LRP2: variants seen among roughly 807,000 people sequenced by gnomAD.
LRP2 encodes LDL receptor related protein 2, also known as low-density lipoprotein receptor-related protein 2.
Under a neutral mutation model 531.0 loss-of-function variants are expected in LRP2, and 172 were observed. The ratio of observed to expected loss-of-function variants is 0.32; its 90% CI spans 0.29 to 0.37. The LOEUF (loss-of-function observed/expected upper bound fraction) is 0.37, where lower values mean the gene tolerates loss of function less well. Ranked by LOEUF, LRP2 falls within the 10% of genes least tolerant of loss-of-function variation. The pLI is 1.00. For missense variants in LRP2, 5,167 were observed against 5,868.3 expected (o/e 0.88, Z 3.90); for synonymous variants, 1,992 against 2,027.6 (o/e 0.98, Z 0.47).
chr2:169,277,961 A>C lies in LRP2; in HGVS notation c.1566-10T>G, dbSNP rs747567360. 6.2e-7 allele frequency: 1 copy of C among 1,607,314 alleles called. No individual in the cohort carries two copies. Among genetic ancestry groups the C allele is most frequent in the South Asian group, 1.1e-5 (1 of 90,918 alleles). ...TGAGAAAAATAAATAACTACAAAAG[A>C]AAAACAGAAGATGAAAGAATCTGGT... On this transcript the variant is annotated splice_polypyrimidine_tract_variant and intron_variant, in intron 12 of 78. Coordinates refer to ENST00000649046, the MANE Select transcript of LRP2 (RefSeq NM_004525.3).
At chr2:169,182,099 A>G (rs1687460694) in intron 51 of LRP2, 68 bp downstream of exon 51, 5 of 1,588,344 alleles carry the variant, frequency 3.1e-6, no homozygotes. Flanking sequence ...TTACATGAAC[A>G]GCCTTCTCGG....
intron 16 of LRP2, among the ~76,000 whole-genome samples, chr2:169,269,257 A>G (rs1012996936): frequency 4.6e-5 from 7 of 152,172 alleles, no homozygotes; most frequent in Non-Finnish European, 8.8e-5. Flanking sequence ...AAACTACTTT[A>G]AAGTTCATAT....
intron 2 of LRP2, 49 bp downstream of exon 2, chr2:169,320,728 G>C: frequency 7.1e-7 from 1 of 1,416,476 alleles, no homozygotes; most frequent in Admixed American, 1.7e-5. Flanking sequence ...TCACCAGGAA[G>C]CACTTAGGTT....
intron 46 of LRP2, among the ~76,000 whole-genome samples, chr2:169,196,113 A>C (rs1240460436): frequency 6.6e-6 from 1 of 152,144 alleles, no homozygotes; most frequent in Non-Finnish European, 1.5e-5. Context: ...TTTTAACTAG[A>C]TAGTAAATAT....
At chr2:169,322,127 AC>A (rs1395500768) in intron 1 of LRP2, among the ~76,000 whole-genome samples, 1 of 152,238 alleles carries the variant, frequency 6.6e-6, no homozygotes, top group Admixed American at 6.5e-5. Flanking sequence ...ATGCTAAATT[AC>A]CCATTTCAAT....
intron 51 of LRP2, among the ~76,000 whole-genome samples, 176 bp downstream of exon 51, chr2:169,181,991 T>C (rs572080048): frequency 1.3e-5 from 2 of 152,230 alleles, no homozygotes; most frequent in South Asian, 2.1e-4. Flanking sequence ...CTGATGATGA[T>C]GATTTGAAGA....
chr2:169,320,522 T>C (rs1425438363), intron 2 of LRP2, among the ~76,000 whole-genome samples: 1 of 152,154 alleles, frequency 6.6e-6, no homozygotes, highest in Non-Finnish European at 1.5e-5. Flanking sequence ...CATATCAAAG[T>C]TGTGGTCAAG....
At chr2:169,166,183 A>T in intron 61 of LRP2, 129 bp from the exon 62 acceptor site, 1 of 888,234 alleles carries the variant, frequency 1.1e-6, no homozygotes, top group Non-Finnish European at 1.8e-6. Flanking sequence ...TGATTAATCA[A>T]TCAGCAGATA....
intron 1 of LRP2, among the ~76,000 whole-genome samples, chr2:169,328,068 G>C (rs1203147718): frequency 7.0e-6 from 1 of 142,678 alleles, no homozygotes; most frequent in Non-Finnish European, 1.5e-5. Context: ...GGGAGGTGGG[G>C]TCAGCCCCCC....
chr2:169,345,071 G>C (rs933741562), intron 1 of LRP2, among the ~76,000 whole-genome samples: 11 of 152,156 alleles, frequency 7.2e-5, no homozygotes, highest in Non-Finnish European at 1.6e-4. Context: ...GGAGTTAATT[G>C]ATTTAAGTCA....
At position 169,188,236 on chromosome 2, in the gene LRP2, T is replaced by C; in HGVS notation, c.9062A>G (p.Tyr3021Cys). 1.2e-6 allele frequency: 2 copies of C among 1,614,180 alleles called. No individual in the cohort carries two copies. Among genetic ancestry groups the C allele is most frequent in the African/African-American group, 1.3e-5 (1 of 75,054 alleles). The stretch of plus-strand genomic sequence containing the variant: ...GTATAAGCAGCCCCTCTCGTCGCTA[T>C]AGTCACCACAGTCATTGTGCCGGTC... ...RCDRHNDCGD[Y>C]SDERGCLYQT... The change falls in exon 49 of 79, where the codon TAT (tyrosine) becomes TGT (cysteine). Residue 3021 changes from tyrosine (Y) to cysteine (C), a missense_variant. Around this residue, in one of 6 missense-constraint regions of LRP2, gnomAD observed 1,129 missense variants for 1,362.7 expected, o/e 0.83. Coordinates refer to ENST00000649046, the MANE Select transcript of LRP2 (RefSeq NM_004525.3).
rs1045961979 is a variant in LRP2, at chr2:169,362,476, C to T, written c.-77G>A. On this transcript the variant is annotated 5_prime_UTR_variant, in exon 1 of 79. Transcript: ENST00000649046. ...GTAGCACACCGCACCGGCAGCGCCT[C>T]TGCTAGCGAACGCTCCTTTAGGTCT... 39 of 1,306,126 alleles carry T rather than the reference C, an allele frequency of 3.0e-5. No individual in the cohort carries two copies. Among genetic ancestry groups the T allele is most frequent in the Non-Finnish European group, 4.0e-5 (37 of 935,496 alleles). 80.9% of individuals were successfully genotyped at this position (1,306,126 alleles called of 1,614,324 possible).
intron 3 of LRP2, among the ~76,000 whole-genome samples, chr2:169,317,948 A>G (rs543646180): frequency 6.6e-6 from 1 of 152,182 alleles, no homozygotes; most frequent in African/African-American, 2.4e-5. Context: ...ATGGTGGTGC[A>G]CACCTATAGT....
In LRP2 at chr2:169,312,342, A is replaced by G. The variant is rs181456772; in HGVS notation, c.311-4945T>C. Among the ~76,000 whole-genome samples, 31 of 152,242 alleles carry G rather than the reference A, an allele frequency of 2.0e-4. 1 individual carries two copies. In the East Asian group the frequency reaches 4.8e-3, roughly 24 times the overall value. On this transcript the variant is annotated intron_variant, in intron 3 of 78. Coordinates refer to ENST00000649046, the MANE Select transcript of LRP2 (RefSeq NM_004525.3). ...GCATGTTTTTGCAGTGGCTGGTACC[A>G]GTTGTTCCTTTCCATGTTTAGTGCT...
At chr2:169,160,690 A>AAAAAAAAAAAC (rs1553487434) in intron 63 of LRP2, among the ~76,000 whole-genome samples, 12 of 147,190 alleles carry the variant, frequency 8.2e-5, no homozygotes, top group African/African-American at 2.0e-4. Flanking sequence ...CTTAAAAAAA[A>AAAAAAAAAAAC]AAAAACCTGC....
At chr2:169,301,287 C>CAATT (rs1684278680) in intron 4 of LRP2, among the ~76,000 whole-genome samples, 4 of 151,864 alleles carry the variant, frequency 2.6e-5, no homozygotes, top group Non-Finnish European at 5.9e-5. Context: ...AATTGAATGA[C>CAATT]CTATAATTGC....
At chr2:169,330,728 C>A (rs543236641) in intron 1 of LRP2, among the ~76,000 whole-genome samples, 1 of 152,214 alleles carries the variant, frequency 6.6e-6, no homozygotes, top group East Asian at 1.9e-4. Context: ...CAAAAACACT[C>A]CCAGGCACAT....
At chr2:169,356,688 C>A (rs75091073) in intron 1 of LRP2, among the ~76,000 whole-genome samples, 1 of 152,144 alleles carries the variant, frequency 6.6e-6, no homozygotes, top group Non-Finnish European at 1.5e-5. Flanking sequence ...GAAATTACTT[C>A]GGAAACATTT....
intron 13 of LRP2, 140 bp downstream of exon 13, chr2:169,277,605 T>G (rs1683589719): frequency 2.6e-6 from 2 of 771,790 alleles, no homozygotes; most frequent in Non-Finnish European, 4.4e-6. Flanking sequence ...CATGCAAATG[T>G]CAGTACAAAG....
Sources: allele counts gnomAD v4.1 joint callset (sites outside exome capture counted in the v4.1 genomes callset), GRCh38; gene constraint gnomAD v4.1.1; regional missense constraint gnomAD v4.1.1; transcripts MANE v1.5; gene names NCBI Gene and HGNC (gene_info 2026-07-23, HGNC 2026-07-21).